The following ZC4H2 variants were observed in gnomAD, a reference collection of about 807,000 sequenced individuals.
ZC4H2 encodes the protein zinc finger C4H2-type containing.
For synonymous variants in ZC4H2, 84 were observed against 66.3 expected, an observed-to-expected ratio of 1.27 and a Z score of -1.30; for missense variants, 137 against 173.9, an observed-to-expected ratio of 0.79 and a Z score of 1.19.
At chrX:64,934,043 G>C (rs1270031756) in intron 1 of ZC4H2, among the ~76,000 whole-genome samples, 2 of 111,801 alleles carry the variant, frequency 1.8e-5, no homozygotes, top group South Asian at 7.5e-4. Flanking sequence ...CCAACTCACA[G>C]CCTCAACCTT....
At chrX:64,953,591 T>A (rs1448594565) in intron 1 of ZC4H2, among the ~76,000 whole-genome samples, 1 of 112,092 alleles carries the variant, frequency 8.9e-6, no homozygotes, top group African/African-American at 3.2e-5. Context: ...TCACTGGCCA[T>A]CAGAGAAATG....
intron 1 of ZC4H2, among the ~76,000 whole-genome samples, chrX:64,983,769 T>TA (rs1481683534): frequency 8.9e-6 from 1 of 111,881 alleles, no homozygotes; most frequent in Non-Finnish European, 1.9e-5. Context: ...ACATTTAACT[T>TA]AAAAAAGTTT....
At chrX:64,929,289 G>A (rs1393260167) in intron 1 of ZC4H2, among the ~76,000 whole-genome samples, 1 of 111,140 alleles carries the variant, frequency 9.0e-6, no homozygotes, top group Non-Finnish European at 1.9e-5. Flanking sequence ...CAGATGCATA[G>A]TTTGCAAATA....
intron 1 of ZC4H2, among the ~76,000 whole-genome samples, chrX:64,974,626 G>A (rs1456049051): frequency 9.0e-6 from 1 of 111,611 alleles, no homozygotes; most frequent in African/African-American, 3.3e-5. Flanking sequence ...AGGGCTGTTT[G>A]TTACTGCTGT....
intron 1 of ZC4H2, among the ~76,000 whole-genome samples, chrX:64,951,268 T>A (rs771217933): frequency 8.9e-6 from 1 of 112,301 alleles, no homozygotes; most frequent in South Asian, 3.7e-4. Flanking sequence ...CAAACATACG[T>A]GTGCATGTGT....
At chrX:64,946,396 C>T (rs1287568675) in intron 1 of ZC4H2, among the ~76,000 whole-genome samples, 2 of 111,114 alleles carry the variant, frequency 1.8e-5, no homozygotes, top group African/African-American at 6.6e-5. Context: ...GACACCCCAC[C>T]CTGATTCTGC....
intron 1 of ZC4H2, among the ~76,000 whole-genome samples, chrX:64,933,516 G>A (rs1929849474): frequency 9.0e-6 from 1 of 110,906 alleles, no homozygotes; most frequent in Admixed American, 9.6e-5. Context: ...TTTTTTATTG[G>A]ACTGTGGTTT....
At chrX:65,001,007 A>C (rs1447720392) in intron 1 of ZC4H2, among the ~76,000 whole-genome samples, 1 of 111,570 alleles carries the variant, frequency 9.0e-6, no homozygotes, top group Non-Finnish European at 1.9e-5. Context: ...ATTGGTAAAC[A>C]CTCTTCAAGA....
At chrX:64,923,008 A>G (rs1929276473) in intron 1 of ZC4H2, among the ~76,000 whole-genome samples, 1 of 111,680 alleles carries the variant, frequency 9.0e-6, no homozygotes, top group African/African-American at 3.3e-5. Flanking sequence ...TCCCAATTGT[A>G]TACCGTGTGG....
At chrX:64,993,003 G>A (rs1293864428) in intron 1 of ZC4H2, among the ~76,000 whole-genome samples, 1 of 111,154 alleles carries the variant, frequency 9.0e-6, no homozygotes, top group African/African-American at 3.3e-5. Flanking sequence ...CCTGGTCCTG[G>A]GCCCCTTAAC....
At chrX:64,976,233 C>T in intron 1 of ZC4H2, 92 bp downstream of exon 1, 1 of 1,045,714 alleles carries the variant, frequency 9.6e-7, no homozygotes, top group Non-Finnish European at 1.3e-6. Flanking sequence ...CTTTCCAGCT[C>T]CTCTAGACAA....
At chrX:64,945,206 C>T (rs779192160) in intron 1 of ZC4H2, among the ~76,000 whole-genome samples, 23 of 112,651 alleles carry the variant, frequency 2.0e-4, no homozygotes, top group Non-Finnish European at 3.4e-4. Flanking sequence ...TTTTCCTCAT[C>T]TTCGTGTATT....
intron 1 of ZC4H2, among the ~76,000 whole-genome samples, chrX:64,958,962 C>T (rs1931273566): frequency 1.8e-5 from 2 of 111,015 alleles, no homozygotes; most frequent in Admixed American, 1.9e-4. Flanking sequence ...AGCAATAGAC[C>T]CTCTGATTTT....
At chrX:64,950,490 T>C (rs779755520) in intron 1 of ZC4H2, among the ~76,000 whole-genome samples, 70 of 111,536 alleles carry the variant, frequency 6.3e-4, no homozygotes, top group African/African-American at 2.0e-3. Flanking sequence ...TCTAAGTCTC[T>C]TTCTAGGTCT....
At chrX:64,947,603 C>T (rs1351762261) in intron 1 of ZC4H2, among the ~76,000 whole-genome samples, 2 of 112,530 alleles carry the variant, frequency 1.8e-5, no homozygotes, top group Non-Finnish European at 3.7e-5. Flanking sequence ...GAGAAAGACT[C>T]TGCACTTCTA....
At chrX:64,932,564 G>T (rs2147363302) in intron 1 of ZC4H2, among the ~76,000 whole-genome samples, 1 of 111,165 alleles carries the variant, frequency 9.0e-6, no homozygotes, top group Non-Finnish European at 1.9e-5. Context: ...TTTGGGGGTG[G>T]CAAATTCTGT....
At chrX:64,943,094 T>A (rs973666079) in intron 1 of ZC4H2, among the ~76,000 whole-genome samples, 1 of 112,350 alleles carries the variant, frequency 8.9e-6, no homozygotes, top group Non-Finnish European at 1.9e-5. Flanking sequence ...GATGAGCTTT[T>A]TTTCATGTTT....
intron 1 of ZC4H2, among the ~76,000 whole-genome samples, chrX:65,008,288 C>T (rs1013299709): frequency 9.0e-6 from 1 of 111,528 alleles, no homozygotes; most frequent in African/African-American, 3.3e-5. Context: ...GTTAATATGG[C>T]TTTTGTCTAA....
intron 1 of ZC4H2, among the ~76,000 whole-genome samples, chrX:64,998,440 A>G (rs1932461457): frequency 8.9e-6 from 1 of 112,366 alleles, no homozygotes; most frequent in Admixed American, 9.4e-5. Context: ...CATTGAGAAA[A>G]AGGTCAGAAA....
Sources: allele counts gnomAD v4.1 joint callset (sites outside exome capture counted in the v4.1 genomes callset), GRCh38; gene constraint gnomAD v4.1.1; transcripts MANE v1.5; gene names NCBI Gene and HGNC (gene_info 2026-07-23, HGNC 2026-07-21).